The following GRIK2 variants were observed in gnomAD, a reference collection of about 807,000 sequenced individuals.
GRIK2 encodes glutamate ionotropic receptor kainate type subunit 2.
A neutral mutation model predicts 100.3 loss-of-function variants in GRIK2; 32 were observed. The observed-to-expected ratio is 0.32, with a 90% CI of 0.24 to 0.43. The LOEUF (loss-of-function observed/expected upper bound fraction) is 0.43, where lower values mean the gene tolerates loss of function less well. Ranked by LOEUF, GRIK2 falls within the 20% of genes least tolerant of loss-of-function variation. The probability of loss-of-function intolerance (pLI) is 1.00; values close to 1 mark genes in which losing one functional copy is unlikely to be tolerated. For missense variants in GRIK2, 843 were observed against 1,114.9 expected (o/e 0.76, Z 3.47); for synonymous variants, 417 against 389.4 (o/e 1.07, Z -0.83).
intron 12 of GRIK2, among the ~76,000 whole-genome samples, chr6:101,895,550 C>T (rs775302407): frequency 5.3e-5 from 8 of 151,712 alleles, no homozygotes; most frequent in Non-Finnish European, 8.9e-5. Flanking sequence ...ATTTAATGTA[C>T]GGTGAAGGAC....
intron 2 of GRIK2, among the ~76,000 whole-genome samples, chr6:101,519,385 A>G (rs559843325): frequency 6.6e-6 from 1 of 150,936 alleles, no homozygotes; most frequent in African/African-American, 2.4e-5. Context: ...GCAGGGTTCT[A>G]AGTACTTTAT....
intron 7 of GRIK2, among the ~76,000 whole-genome samples, chr6:101,735,506 A>G (rs1379879904): frequency 6.6e-6 from 1 of 152,184 alleles, no homozygotes; most frequent in African/African-American, 2.4e-5. Flanking sequence ...GGCAGAAGGC[A>G]AGGAGGAGCA....
At chr6:101,825,601 C>T (rs17062569) in intron 10 of GRIK2, among the ~76,000 whole-genome samples, 27,897 of 148,970 alleles carry the variant, frequency 0.19, 4,583 homozygotes, top group African/African-American at 0.45. Context: ...ATGATGAAGA[C>T]TTATAAGCAG....
At chr6:101,956,766 ATGTGTG>A (rs1791960661) in intron 14 of GRIK2, among the ~76,000 whole-genome samples, 1 of 143,692 alleles carries the variant, frequency 7.0e-6, no homozygotes, top group Non-Finnish European at 1.5e-5. Context: ...GTGTGTATAT[ATGTGTG>A]TATATATATA....
chr6:101,764,615 G>C (rs1777930786), intron 7 of GRIK2, among the ~76,000 whole-genome samples: 1 of 151,934 alleles, frequency 6.6e-6, no homozygotes, highest in Non-Finnish European at 1.5e-5. Flanking sequence ...AATAAACCTG[G>C]GAGTTATTGT....
chr6:101,483,358 G>A (rs888764007), intron 2 of GRIK2, among the ~76,000 whole-genome samples: 2 of 152,060 alleles, frequency 1.3e-5, no homozygotes, highest in Non-Finnish European at 2.9e-5. Flanking sequence ...AATAAGTTTG[G>A]ATTATTTGTA....
intron 14 of GRIK2, among the ~76,000 whole-genome samples, chr6:102,008,533 G>A (rs963218066): frequency 9.9e-5 from 15 of 151,978 alleles, no homozygotes; most frequent in African/African-American, 2.9e-4. Context: ...AAGAAGACTC[G>A]TGTGACCCAT....
intron 7 of GRIK2, among the ~76,000 whole-genome samples, chr6:101,738,724 A>ATG (rs1775840272): frequency 6.6e-6 from 1 of 152,154 alleles, no homozygotes; most frequent in African/African-American, 2.4e-5. Context: ...GGACTGTCCT[A>ATG]TGTAATGTTG....
chr6:102,005,943 C>T (rs1031916990), intron 14 of GRIK2, among the ~76,000 whole-genome samples: 54 of 152,100 alleles, frequency 3.6e-4, no homozygotes, highest in Admixed American at 2.1e-3. Flanking sequence ...TGCATGCACA[C>T]GTGTCCCTAG....
At chr6:101,567,910 T>C (rs1777356200) in intron 2 of GRIK2, among the ~76,000 whole-genome samples, 2 of 152,130 alleles carry the variant, frequency 1.3e-5, no homozygotes, top group East Asian at 1.9e-4. Flanking sequence ...AGGAGAAAAC[T>C]AATTTTACCT....
intron 2 of GRIK2, among the ~76,000 whole-genome samples, chr6:101,614,519 G>A (rs1188171869): frequency 2.6e-5 from 4 of 151,454 alleles, no homozygotes; most frequent in Admixed American, 6.6e-5. Flanking sequence ...ATACCCTAAT[G>A]TCATTTAATA....
At chr6:101,848,306 A>G (rs1406636161) in intron 10 of GRIK2, among the ~76,000 whole-genome samples, 23 of 148,648 alleles carry the variant, frequency 1.5e-4, no homozygotes, top group Non-Finnish European at 3.2e-4. Flanking sequence ...ATTGATTCTG[A>G]TGGTTTGCCA....
chr6:102,016,268 C>T (rs1031389022), intron 14 of GRIK2, among the ~76,000 whole-genome samples: 1 of 151,944 alleles, frequency 6.6e-6, no homozygotes, highest in East Asian at 1.9e-4. Flanking sequence ...TAGATGCGGA[C>T]AGATAAAATA....
chr6:101,641,197 T>C (rs552974868), intron 4 of GRIK2, among the ~76,000 whole-genome samples: 132 of 152,212 alleles, frequency 8.7e-4, no homozygotes, highest in African/African-American at 2.2e-3. Flanking sequence ...CCATTTCATA[T>C]AAATTTAAAA....
chr6:101,812,967 TTCTC>T (rs543332495), intron 9 of GRIK2, among the ~76,000 whole-genome samples: 145 of 152,126 alleles, frequency 9.5e-4, no homozygotes, highest in African/African-American at 3.3e-3. Flanking sequence ...GAACCATTGT[TTCTC>T]TCTCTTTCTA....
At chr6:101,876,859 A>G (rs1034746358) in intron 11 of GRIK2, among the ~76,000 whole-genome samples, 6 of 151,902 alleles carry the variant, frequency 3.9e-5, no homozygotes, top group Admixed American at 1.3e-4. Context: ...TTATTTCACT[A>G]CACTAAGTCA....
chr6:101,449,703 A>G (rs905520597), intron 2 of GRIK2, among the ~76,000 whole-genome samples: 7 of 141,956 alleles, frequency 4.9e-5, no homozygotes, highest in African/African-American at 1.6e-4. Context: ...AGTATTCTGC[A>G]TAGTATTCTT....
intron 2 of GRIK2, among the ~76,000 whole-genome samples, chr6:101,516,460 C>G (rs1367783296): frequency 6.6e-6 from 1 of 151,968 alleles, no homozygotes; most frequent in Admixed American, 6.6e-5. Context: ...TGATCTTTGA[C>G]AAAGCAAACA....
chr6:101,845,045 G>A (rs1178125398), intron 10 of GRIK2, among the ~76,000 whole-genome samples: 1 of 151,626 alleles, frequency 6.6e-6, no homozygotes, highest in East Asian at 1.9e-4. Context: ...TTGAGACAGG[G>A]TCCCATTCTC....
Sources: allele counts gnomAD v4.1 joint callset (sites outside exome capture counted in the v4.1 genomes callset), GRCh38; gene constraint gnomAD v4.1.1; transcripts MANE v1.5; gene names NCBI Gene and HGNC (gene_info 2026-07-23, HGNC 2026-07-21).